The following EXOC4 variants were observed in gnomAD, a reference collection of about 807,000 sequenced individuals.
EXOC4 encodes SEC8-like 1.
In EXOC4, 71 loss-of-function variants were observed where a neutral mutation model predicts 107.2. That is an observed-to-expected ratio of 0.66 (90% CI 0.55 to 0.81). The LOEUF is 0.81. Ranked by LOEUF, EXOC4 falls within the 30% of genes least tolerant of loss-of-function variation. The pLI is 0.00. For missense variants in EXOC4, 1,108 were observed against 1,189.6 expected (o/e 0.93, Z 1.01); for synonymous variants, 456 against 441.2 (o/e 1.03, Z -0.42).
chr7:133,790,488 T>A (rs1796679458), intron 10 of EXOC4, among the ~76,000 whole-genome samples: 1 of 152,244 alleles, frequency 6.6e-6, no homozygotes, highest in Admixed American at 6.5e-5. Context: ...GTGATAGAAC[T>A]TAGACAACTG....
At chr7:133,580,687 A>T (rs1185039287) in intron 9 of EXOC4, among the ~76,000 whole-genome samples, 1 of 152,192 alleles carries the variant, frequency 6.6e-6, no homozygotes, top group African/African-American at 2.4e-5. Flanking sequence ...TCCTCTAAAA[A>T]TCTTCCTAAG....
At chr7:133,676,244 G>A (rs979547920) in intron 10 of EXOC4, among the ~76,000 whole-genome samples, 2 of 151,480 alleles carry the variant, frequency 1.3e-5, no homozygotes, top group East Asian at 1.9e-4. Context: ...TTGTCTGATC[G>A]CCTTTTATCT....
chr7:133,766,267 CA>C (rs1796137252), intron 10 of EXOC4, among the ~76,000 whole-genome samples: 3 of 152,072 alleles, frequency 2.0e-5, no homozygotes, highest in East Asian at 3.9e-4. Flanking sequence ...ATTACTTTGT[CA>C]TGCATCTGGT....
chr7:133,485,089 ATAAATAAAT>A (rs1563083498), intron 9 of EXOC4, among the ~76,000 whole-genome samples: 2 of 132,040 alleles, frequency 1.5e-5, no homozygotes, highest in South Asian at 4.6e-4. Context: ...CAAAAAATAA[ATAAATAAAT>A]AAATAAATAA....
At chr7:133,659,033 G>A (rs1585059984) in intron 10 of EXOC4, among the ~76,000 whole-genome samples, 1 of 65,620 alleles carries the variant, frequency 1.5e-5, no homozygotes, top group African/African-American at 6.8e-5. Flanking sequence ...TTTTTTTGTG[G>A]TTCATATAAA....
intron 7 of EXOC4, among the ~76,000 whole-genome samples, chr7:133,444,906 G>A (rs1031613655): frequency 2.0e-5 from 3 of 152,212 alleles, no homozygotes; most frequent in South Asian, 2.1e-4. Context: ...ATGAGATGGC[G>A]TTTTCACACT....
chr7:133,767,227 T>G (rs1796157319), intron 10 of EXOC4, among the ~76,000 whole-genome samples: 1 of 151,936 alleles, frequency 6.6e-6, no homozygotes, highest in African/African-American at 2.4e-5. Flanking sequence ...TTCTTTTCTA[T>G]CACAAGAGCT....
chr7:133,286,501 T>C (rs1387144640), intron 2 of EXOC4, among the ~76,000 whole-genome samples: 1 of 152,238 alleles, frequency 6.6e-6, no homozygotes, highest in African/African-American at 2.4e-5. Flanking sequence ...GCATGTCTGA[T>C]GATCCTTGGC....
chr7:133,823,794 C>T (rs530874521), intron 11 of EXOC4, among the ~76,000 whole-genome samples: 11 of 126,848 alleles, frequency 8.7e-5, no homozygotes, highest in African/African-American at 2.6e-4. Context: ...CTAGCCTGGG[C>T]AGTAAAGCAA....
chr7:133,401,171 C>T (rs2150731497), intron 7 of EXOC4, among the ~76,000 whole-genome samples: 1 of 144,300 alleles, frequency 6.9e-6, no homozygotes, highest in South Asian at 2.4e-4. Context: ...ATTCCAGAGC[C>T]CACTTTTTTT....
chr7:133,860,653 C>T (rs1229665831), intron 11 of EXOC4, among the ~76,000 whole-genome samples: 1 of 152,142 alleles, frequency 6.6e-6, no homozygotes, highest in African/African-American at 2.4e-5. Flanking sequence ...CCGTATAGAG[C>T]CAACACACAC....
the EXOC4 span, among the ~76,000 whole-genome samples, chr7:134,096,992 C>T: frequency 3.3e-5 from 5 of 151,866 alleles, no homozygotes; most frequent in African/African-American, 1.2e-4. Flanking sequence ...CATCTGCCAC[C>T]ACCACCATTT....
chr7:134,092,347 C>G, the EXOC4 span, among the ~76,000 whole-genome samples: 1 of 151,790 alleles, frequency 6.6e-6, no homozygotes, highest in East Asian at 1.9e-4. Flanking sequence ...CACACAGAAA[C>G]CAGAAAGTAT....
At chr7:133,871,849 A>G (rs1798757910) in intron 11 of EXOC4, among the ~76,000 whole-genome samples, 2 of 152,204 alleles carry the variant, frequency 1.3e-5, no homozygotes, top group South Asian at 4.1e-4. Flanking sequence ...TCCACCTAGC[A>G]TAGTTATGAG....
chr7:133,763,241 T>TA (rs1246482148), intron 10 of EXOC4, among the ~76,000 whole-genome samples: 9 of 152,230 alleles, frequency 5.9e-5, no homozygotes, highest in Non-Finnish European at 1.0e-4. Context: ...CAGAAACTCT[T>TA]ACCAATGGTC....
chr7:133,442,880 T>A (rs1179772252), intron 7 of EXOC4, among the ~76,000 whole-genome samples: 1 of 152,182 alleles, frequency 6.6e-6, no homozygotes, highest in East Asian at 1.9e-4. Flanking sequence ...TGTTTTTAAA[T>A]ACATTTGAGT....
chr7:133,993,499 AAAG>A (rs1794308963), intron 14 of EXOC4, among the ~76,000 whole-genome samples: 1 of 152,206 alleles, frequency 6.6e-6, no homozygotes, highest in Admixed American at 6.5e-5. Context: ...GAGAGAGTTG[AAAG>A]AAGAAAAGTT....
chr7:134,048,155 CT>C (rs1321155612), intron 17 of EXOC4, among the ~76,000 whole-genome samples: 1 of 152,200 alleles, frequency 6.6e-6, no homozygotes, highest in African/African-American at 2.4e-5. Context: ...AGCAGATCCA[CT>C]GAGTGCAGGG....
At chr7:134,005,837 G>A (rs1033072248) in intron 16 of EXOC4, among the ~76,000 whole-genome samples, 2 of 152,164 alleles carry the variant, frequency 1.3e-5, no homozygotes, top group South Asian at 2.1e-4. Flanking sequence ...AAGGATTGTG[G>A]CAAACTGACA....
Sources: allele counts gnomAD v4.1 joint callset (sites outside exome capture counted in the v4.1 genomes callset), GRCh38; gene constraint gnomAD v4.1.1; transcripts MANE v1.5; gene names NCBI Gene and HGNC (gene_info 2026-07-23, HGNC 2026-07-21).